Variants in FBXL17 observed in about 807,000 individuals in gnomAD.
The protein encoded by FBXL17 is F-box/LRR-repeat protein 17.
Under a neutral mutation model 66.2 loss-of-function variants are expected in FBXL17, and 22 were observed. The observed-to-expected ratio is 0.33, with a 90% CI of 0.24 to 0.47. The LOEUF is 0.47. Ranked by LOEUF, FBXL17 falls within the 20% of genes least tolerant of loss-of-function variation. The pLI, the probability that FBXL17 is intolerant of heterozygous loss-of-function variation, is 1.00. For missense variants in FBXL17, 878 were observed against 948.2 expected (o/e 0.93, Z 0.97); for synonymous variants, 474 against 400.5 (o/e 1.18, Z -2.19).
intron 5 of FBXL17, among the ~76,000 whole-genome samples, chr5:108,195,676 C>T (rs962882233): frequency 6.6e-6 from 1 of 152,106 alleles, no homozygotes; most frequent in Non-Finnish European, 1.5e-5. Context: ...AGGGTGGAAG[C>T]AGACAGAAGC....
rs546416799 is a variant in FBXL17 at position 108,082,090 on chromosome 5, A to G, written c.1746-61089T>C. Among the ~76,000 whole-genome samples, 32 of 152,110 alleles carry G rather than the reference A, an allele frequency of 2.1e-4. No individual in the cohort carries two copies. In the East Asian group the frequency reaches 6.0e-3, roughly 29 times the overall value. ...AGTGCACAGACTCAACTATAATCCT[A>G]CCTCTATCCTGACACTATGACCTTT... On this transcript the variant is annotated intron_variant, in intron 6 of 8. Transcript: ENST00000542267.
intron 6 of FBXL17, among the ~76,000 whole-genome samples, chr5:108,116,512 G>C (rs1343414102): frequency 1.3e-5 from 2 of 151,620 alleles, no homozygotes; most frequent in African/African-American, 2.4e-5. Context: ...GCTGGGCGTG[G>C]TGGCATGTGC....
In FBXL17 at chr5:107,935,409, A is replaced by ATG. The variant is rs10636166; in HGVS notation, c.1823-54231_1823-54230insCA. ...AAGAGGCATCTCTCTTTATATATAT[A>ATG]TATGTGTGTGTGTGTGTGTGTATGT... On this transcript the variant is annotated intron_variant, in intron 7 of 8. Transcript: ENST00000542267. 6.5e-3 allele frequency among the ~76,000 whole-genome samples: 970 copies of ATG among 148,926 alleles called. 6 individuals carry two copies. Among genetic ancestry groups the ATG allele is most frequent in the African/African-American group, 0.018 (709 of 40,374 alleles).
intron 7 of FBXL17, among the ~76,000 whole-genome samples, chr5:107,912,716 G>C (rs1300320535): frequency 6.6e-6 from 1 of 152,130 alleles, no homozygotes; most frequent in Non-Finnish European, 1.5e-5. Flanking sequence ...GATTAGGAGG[G>C]AGACTGGTAG....
intron 7 of FBXL17, among the ~76,000 whole-genome samples, chr5:107,921,542 C>T (rs531527840): frequency 2.0e-5 from 3 of 152,022 alleles, no homozygotes; most frequent in Non-Finnish European, 2.9e-5. Flanking sequence ...AGGGGCTGGT[C>T]GTAAAAAGGA....
intron 7 of FBXL17, among the ~76,000 whole-genome samples, chr5:107,950,945 C>G (rs779702849): frequency 2.6e-5 from 4 of 152,154 alleles, no homozygotes; most frequent in Non-Finnish European, 4.4e-5. Flanking sequence ...ATTATAATAG[C>G]AACATCCAAG....
chr5:108,156,281 G>A (rs1023119025), intron 6 of FBXL17, among the ~76,000 whole-genome samples: 18 of 151,886 alleles, frequency 1.2e-4, no homozygotes, highest in African/African-American at 3.9e-4. Flanking sequence ...TATATTAGGT[G>A]TTCAGTATAC....
intron 4 of FBXL17, among the ~76,000 whole-genome samples, chr5:108,263,798 C>CA (rs1756932150): frequency 6.6e-6 from 1 of 152,072 alleles, no homozygotes; most frequent in Admixed American, 6.6e-5. Context: ...TCAAAGTGTC[C>CA]AGGAAACTTC....
chr5:108,004,200 C>T (rs1294447215), intron 7 of FBXL17, among the ~76,000 whole-genome samples: 3 of 151,894 alleles, frequency 2.0e-5, no homozygotes, highest in Non-Finnish European at 4.4e-5. Context: ...AATTGTATAC[C>T]CAATTAAATA....
At chr5:108,274,659 G>T (rs1284133673) in intron 4 of FBXL17, among the ~76,000 whole-genome samples, 1 of 152,304 alleles carries the variant, frequency 6.6e-6, no homozygotes, top group South Asian at 2.1e-4. Context: ...GAAGTGATAA[G>T]TGTCCATGAA....
intron 3 of FBXL17, among the ~76,000 whole-genome samples, chr5:108,356,807 A>G (rs1434067871): frequency 6.6e-6 from 1 of 152,082 alleles, no homozygotes; most frequent in Non-Finnish European, 1.5e-5. Context: ...GTGAACCCTA[A>G]CATAAATTAT....
intron 1 of FBXL17, among the ~76,000 whole-genome samples, chr5:108,375,716 A>G (rs567705107): frequency 1.3e-5 from 2 of 152,332 alleles, no homozygotes; most frequent in African/African-American, 4.8e-5. Flanking sequence ...ATGAACACCA[A>G]TCTATCTTAA....
chr5:108,084,753 A>G (rs1377950661), intron 6 of FBXL17, among the ~76,000 whole-genome samples: 2 of 152,236 alleles, frequency 1.3e-5, no homozygotes, highest in African/African-American at 4.8e-5. Context: ...TCAACCACTT[A>G]GTAAAGGCAG....
chr5:108,038,947 T>G (rs1427461338), intron 6 of FBXL17, among the ~76,000 whole-genome samples: 1 of 152,048 alleles, frequency 6.6e-6, no homozygotes, highest in Non-Finnish European at 1.5e-5. Flanking sequence ...AACAGTACAC[T>G]TAGATGCAGA....
chr5:107,998,381 A>T lies in FBXL17; in HGVS notation c.1822+22544T>A, dbSNP rs11953583. ...ATTACTTTCTTCAACTCAAACGTAA[A>T]GGGTTAAACTTCATTAAGAATTCCT... On this transcript the variant is annotated intron_variant, in intron 7 of 8. Coordinates refer to ENST00000542267, the MANE Select transcript of FBXL17 (RefSeq NM_001163315.3). Among the ~76,000 whole-genome samples, 1,451 of 152,300 alleles carry T rather than the reference A, an allele frequency of 9.5e-3. 19 individuals are homozygous for T. Among genetic ancestry groups the T allele is most frequent in the African/African-American group, 0.032 (1,325 of 41,554 alleles).
chr5:108,177,932 T>TATACACAC (rs1242739302), intron 6 of FBXL17, among the ~76,000 whole-genome samples: 4 of 126,770 alleles, frequency 3.2e-5, no homozygotes, highest in Non-Finnish European at 5.2e-5. Flanking sequence ...TATATATATA[T>TATACACAC]ACACACACAC....
intron 7 of FBXL17, among the ~76,000 whole-genome samples, chr5:107,923,916 A>C (rs1349455186): frequency 6.6e-6 from 1 of 152,132 alleles, no homozygotes; most frequent in African/African-American, 2.4e-5. Flanking sequence ...AGATGAAGGA[A>C]CAAGAACTTC....
intron 7 of FBXL17, among the ~76,000 whole-genome samples, chr5:107,926,488 A>T (rs1471545877): frequency 6.6e-6 from 1 of 151,828 alleles, no homozygotes; most frequent in African/African-American, 2.4e-5. Flanking sequence ...TTTTCCTTGC[A>T]TCTCCTGAGT....
At chr5:107,926,047 T>A (rs1014054422) in intron 7 of FBXL17, among the ~76,000 whole-genome samples, 2 of 152,198 alleles carry the variant, frequency 1.3e-5, no homozygotes, top group South Asian at 2.1e-4. Context: ...AAACTTTATA[T>A]CCTATTGACT....
Sources: allele counts gnomAD v4.1 joint callset (sites outside exome capture counted in the v4.1 genomes callset), GRCh38; gene constraint gnomAD v4.1.1; transcripts MANE v1.5; gene names NCBI Gene and HGNC (gene_info 2026-07-23, HGNC 2026-07-21).